HIVEP2: variants seen among roughly 807,000 people sequenced by gnomAD.
HIVEP2 encodes transcription factor HIVEP2.
In HIVEP2, 14 loss-of-function variants were observed where a neutral mutation model predicts 180.7. That is an observed-to-expected ratio of 0.08 (90% CI 0.05 to 0.12). The LOEUF (loss-of-function observed/expected upper bound fraction) is 0.12, where lower values mean the gene tolerates loss of function less well. Ranked by LOEUF, HIVEP2 falls within the 10% of genes least tolerant of loss-of-function variation. The pLI, the probability that HIVEP2 is intolerant of heterozygous loss-of-function variation, is 1.00. For missense variants in HIVEP2, 2,579 were observed against 3,008.5 expected, an observed-to-expected ratio of 0.86 and a Z score of 3.34; for synonymous variants, 1,184 against 1,136.4, an observed-to-expected ratio of 1.04 and a Z score of -0.84.
At chr6:142,911,857 CACTG>C (rs951352136) in intron 1 of HIVEP2, among the ~76,000 whole-genome samples, 1 of 152,180 alleles carries the variant, frequency 6.6e-6, no homozygotes, top group Admixed American at 6.5e-5. Context: ...TCGAGGGTAT[CACTG>C]ACTAATTTAA....
At chr6:142,793,643 TC>T (rs769896339) in intron 2 of HIVEP2, among the ~76,000 whole-genome samples, 442 of 35,776 alleles carry the variant, frequency 0.012, 6 homozygotes, top group Admixed American at 0.016. Context: ...TTTCTTTCTT[TC>T]TTTCTTTCTT....
rs535718399 is a variant in HIVEP2 at position 142,797,831 on chromosome 6, G to T, written c.-527-14216C>A. On this transcript the variant is annotated intron_variant, in intron 2 of 9. Transcript: ENST00000367603. ...ACAGAAGAAATCATAGTATACATAG[G>T]ATTCAGTACCCTCTATGGTTTCAGG... is the stretch of plus-strand genomic sequence containing the variant. Among the ~76,000 whole-genome samples the T allele has an allele frequency of 1.2e-3, 176 of 152,090 alleles. 1 individual carries two copies. Among genetic ancestry groups the T allele is most frequent in the African/African-American group, 4.1e-3 (172 of 41,500 alleles).
intron 1 of HIVEP2, among the ~76,000 whole-genome samples, chr6:142,859,751 T>C (rs1775920786): frequency 6.9e-6 from 1 of 144,724 alleles, no homozygotes; most frequent in African/African-American, 2.6e-5. Flanking sequence ...AGAGAATCAC[T>C]TGAACCTGGG....
intron 2 of HIVEP2, among the ~76,000 whole-genome samples, chr6:142,785,309 C>CAAAAAAAAAAAAAA (rs57458259): frequency 1.1e-4 from 7 of 65,392 alleles, no homozygotes; most frequent in East Asian, 6.6e-4. Context: ...TGGCATTCCT[C>CAAAAAAAAAAAAAA]AAAAAAAAAA....
intron 1 of HIVEP2, among the ~76,000 whole-genome samples, chr6:142,917,135 A>G (rs1777573590): frequency 6.6e-6 from 1 of 152,242 alleles, no homozygotes; most frequent in South Asian, 2.1e-4. Flanking sequence ...TGATTAGTTG[A>G]TAACTTCTTT....
intron 1 of HIVEP2, among the ~76,000 whole-genome samples, chr6:142,854,432 T>A (rs1003663797): frequency 6.6e-6 from 1 of 152,242 alleles, no homozygotes; most frequent in African/African-American, 2.4e-5. Flanking sequence ...AGGCTCCTGA[T>A]GTTTAAGCAA....
chr6:142,876,433 G>A (rs1360947164), intron 1 of HIVEP2, among the ~76,000 whole-genome samples: 1 of 152,060 alleles, frequency 6.6e-6, no homozygotes, highest in East Asian at 1.9e-4. Flanking sequence ...GAGAGTTATT[G>A]TAAAATTAAT....
At chr6:142,884,734 T>C (rs931175650) in intron 1 of HIVEP2, among the ~76,000 whole-genome samples, 4 of 152,162 alleles carry the variant, frequency 2.6e-5, no homozygotes, top group Non-Finnish European at 5.9e-5. Flanking sequence ...GACACCGTTA[T>C]CCAAAAGCAA....
At chr6:142,790,549 A>T (rs780789244) in intron 2 of HIVEP2, among the ~76,000 whole-genome samples, 2 of 152,212 alleles carry the variant, frequency 1.3e-5, no homozygotes, top group Non-Finnish European at 2.9e-5. Flanking sequence ...ACTCCAATGT[A>T]CTGTTTTCTC....
At chr6:142,781,607 T>C (rs1244408482) in intron 3 of HIVEP2, among the ~76,000 whole-genome samples, 1 of 151,922 alleles carries the variant, frequency 6.6e-6, no homozygotes, top group Non-Finnish European at 1.5e-5. Flanking sequence ...AAAAAAGAGA[T>C]TACCTCTGCA....
intron 1 of HIVEP2, among the ~76,000 whole-genome samples, chr6:142,874,438 T>A (rs1776374626): frequency 1.3e-5 from 2 of 152,288 alleles, no homozygotes; most frequent in South Asian, 4.1e-4. Context: ...CCAAGCATGA[T>A]TATTGTTTTG....
intron 1 of HIVEP2, among the ~76,000 whole-genome samples, chr6:142,864,494 G>A (rs76172679): frequency 0.016 from 2,445 of 152,152 alleles, 77 homozygotes; most frequent in African/African-American, 0.056. Context: ...GTGACTTAGC[G>A]AAAAATAATA....
At chr6:142,797,088 T>C (rs949674459) in intron 2 of HIVEP2, among the ~76,000 whole-genome samples, 2 of 152,288 alleles carry the variant, frequency 1.3e-5, no homozygotes, top group South Asian at 2.1e-4. Flanking sequence ...TATTTCATGG[T>C]AGTAAATGAC....
At chr6:142,894,958 T>G (rs1283790451) in intron 1 of HIVEP2, among the ~76,000 whole-genome samples, 2 of 152,326 alleles carry the variant, frequency 1.3e-5, no homozygotes, top group East Asian at 3.9e-4. Flanking sequence ...AAAGTCGCCT[T>G]GATAATTCAC....
In HIVEP2 at chr6:142,772,711, A is replaced by T; in HGVS notation, c.2028T>A (p.Asp676Glu). 6.2e-7 allele frequency: 1 copy of T among 1,614,194 alleles called. No individual in the cohort carries two copies. The highest frequency in any genetic ancestry group is 2.2e-5 in the East Asian group (1 of 44,872). ...GTACTCCCTGCAATGGCACCACGGGATCCATGAAATATTCTCCACCATGCT... is the reference window on the plus strand; with the variant it reads ...GTACTCCCTGCAATGGCACCACGGGTTCCATGAAATATTCTCCACCATGCT... Reference protein sequence around the residue: ...SLKHGGEYFMDPVVPLQGVPS... With the variant: ...SLKHGGEYFMEPVVPLQGVPS... The change falls in exon 5 of 10, where the codon GAT (aspartate) becomes GAA (glutamate). Residue 676 changes from aspartate to glutamate, a missense_variant. Transcript: ENST00000367603. This position sits in a 1 kb window ranked among gnomAD's most constrained non-coding sequence, Gnocchi z 4.9.
chr6:142,899,649 T>C (rs1456597672), intron 1 of HIVEP2, among the ~76,000 whole-genome samples: 1 of 152,214 alleles, frequency 6.6e-6, no homozygotes, highest in Non-Finnish European at 1.5e-5. Flanking sequence ...CAAGAATAGA[T>C]CATTTATCTT....
chr6:142,880,596 C>T (rs1199086747), intron 1 of HIVEP2, among the ~76,000 whole-genome samples: 1 of 152,194 alleles, frequency 6.6e-6, no homozygotes. Context: ...TTGAGACAGT[C>T]TTCCATATCC....
chr6:142,855,183 T>C (rs1315057251), intron 1 of HIVEP2, among the ~76,000 whole-genome samples: 1 of 152,168 alleles, frequency 6.6e-6, no homozygotes, highest in Non-Finnish European at 1.5e-5. Context: ...CTACAATAGA[T>C]GAACCACCCA....
Position 142,772,333 on chromosome 6 carries a change from A to G in HIVEP2, c.2406T>C (p.Ile802=), listed in dbSNP as rs543145877. The G allele has an allele frequency of 6.2e-7, 1 of 1,614,224 alleles. No individual in the cohort carries two copies. Among genetic ancestry groups the G allele is most frequent in the African/African-American group, 1.3e-5 (1 of 75,056 alleles). Residue 802 remains isoleucine, a synonymous_variant, in exon 5 of 10, where the codon ATT becomes ATC. Coordinates refer to ENST00000367603, the MANE Select transcript of HIVEP2 (RefSeq NM_006734.4). This position sits in a 1 kb window ranked among gnomAD's most constrained non-coding sequence, Gnocchi z 4.9. The stretch of plus-strand genomic sequence containing the variant: ...GTCGGCTCAGTGAGTTGGTGTGCTG[A>G]ATCACAGAAATCACATTTCCAGGAG... ...RKPPGNVISV[I]QHTNSLSRPN...
Sources: gnomAD v4.1 joint callset for allele counts (sites outside exome capture counted in the v4.1 genomes callset) on GRCh38, gnomAD v4.1.1 for gene constraint, Gnocchi (gnomAD v3.1) non-coding constraint, MANE v1.5 for transcripts, NCBI Gene and HGNC (gene_info 2026-07-23, HGNC 2026-07-21) for gene names.